Variants in PIAS2 observed in about 807,000 individuals in gnomAD.
The protein encoded by PIAS2 is protein inhibitor of activated STAT 2.
Under a neutral mutation model 69.7 loss-of-function variants are expected in PIAS2, and 19 were observed. The observed-to-expected ratio is 0.27, with a 90% CI of 0.19 to 0.40. The LOEUF (loss-of-function observed/expected upper bound fraction) is 0.40, where lower values mean the gene tolerates loss of function less well. Among genes scored for constraint, PIAS2 ranks in the 10% least tolerant of loss-of-function variants. PIAS2 has a pLI of 1.00. For missense variants in PIAS2, 624 were observed against 757.0 expected, an observed-to-expected ratio of 0.82 and a Z score of 2.06; for synonymous variants, 261 against 263.2, an observed-to-expected ratio of 0.99 and a Z score of 0.08.
intron 2 of PIAS2, among the ~76,000 whole-genome samples, chr18:46,886,335 A>G (rs1014141249): frequency 5.9e-5 from 9 of 152,254 alleles, no homozygotes; most frequent in Non-Finnish European, 4.4e-5. Context: ...AATTTTTTTA[A>G]GTAATAAATT....
At chr18:46,843,985 T>TA in intron 8 of PIAS2, 69 bp downstream of exon 8, 2 of 883,460 alleles carry the variant, frequency 2.3e-6, no homozygotes, top group Non-Finnish European at 3.5e-6. Flanking sequence ...TTCCCACACT[T>TA]ACTTTTATAG....
In PIAS2 at chr18:46,803,639, G is replaced by C. The variant is rs1047494811; in HGVS notation, c.*8794C>G. On this transcript the variant is annotated 3_prime_UTR_variant, in exon 14 of 14. Transcript: ENST00000585916. The stretch of plus-strand genomic sequence containing the variant: ...ATTTTTGTTCCAGTTCCAAAGTATT[G>C]AGTCTAATAATGATTTGGGTCAGGT... The C allele has an allele frequency of 2.6e-5, 4 of 152,186 alleles. No homozygotes were observed. Among genetic ancestry groups the C allele is most frequent in the African/African-American group, 9.7e-5 (4 of 41,438 alleles). The allele number at this position is 152,186 out of a possible 1,614,324, so 9.4% of individuals were successfully genotyped here. A position where few individuals can be genotyped will look rare whatever the true frequency, so the allele number is the denominator to read the frequency against.
intron 11 of PIAS2, among the ~76,000 whole-genome samples, chr18:46,824,060 G>A (rs750591351): frequency 5.9e-5 from 9 of 152,158 alleles, no homozygotes; most frequent in East Asian, 5.8e-4. Flanking sequence ...ACACAGATAC[G>A]TGTATACATT....
intron 8 of PIAS2, among the ~76,000 whole-genome samples, chr18:46,837,828 A>G (rs2044683763): frequency 2.0e-5 from 3 of 152,168 alleles, no homozygotes; most frequent in Admixed American, 6.5e-5. Context: ...ATTTTGATTG[A>G]AAATTTGTTT....
At chr18:46,911,607 T>C (rs549571998) in intron 1 of PIAS2, among the ~76,000 whole-genome samples, 2 of 152,354 alleles carry the variant, frequency 1.3e-5, no homozygotes, top group East Asian at 1.9e-4. Context: ...TAGTAACTAA[T>C]ACTCATGTCA....
At chr18:46,859,889 T>C (rs1270221639) in intron 3 of PIAS2, among the ~76,000 whole-genome samples, 4 of 152,280 alleles carry the variant, frequency 2.6e-5, no homozygotes, top group Admixed American at 6.5e-5. Context: ...GAATCCCAGA[T>C]TGATCCCTTA....
intron 2 of PIAS2, among the ~76,000 whole-genome samples, chr18:46,875,710 C>T (rs1226453705): frequency 1.3e-5 from 2 of 152,166 alleles, no homozygotes; most frequent in South Asian, 4.1e-4. Context: ...AGACAGGATA[C>T]AAAGATGCAA....
Position 46,889,623 on chromosome 18 carries a change from T to C in PIAS2, c.499+957A>G, listed in dbSNP as rs538201800. 5.5e-4 allele frequency among the ~76,000 whole-genome samples: 84 copies of C among 151,868 alleles called. 2 individuals carry two copies. The highest frequency in any genetic ancestry group is 1.9e-4 in the East Asian group (1 of 5,168). On this transcript the variant is annotated intron_variant, in intron 2 of 13. Coordinates refer to ENST00000585916, the MANE Select transcript of PIAS2 (RefSeq NM_004671.5). The stretch of plus-strand genomic sequence containing the variant: ...GAGAAACTGGAACCCTTGTGCACTG[T>C]TGAAGGGAATGTAAAATGCAGCTGC...
chr18:46,816,237 A>G (rs2041520598), intron 12 of PIAS2: 3 of 984,766 alleles, frequency 3.0e-6, no homozygotes, highest in Non-Finnish European at 3.6e-6. Context: ...CCACACAGAG[A>G]AAGTCTGACA....
At chr18:46,821,191 A>T (rs1450690280) in intron 11 of PIAS2, 119 bp from the exon 12 acceptor site, 1 of 904,618 alleles carries the variant, frequency 1.1e-6, no homozygotes, top group Non-Finnish European at 1.8e-6. Flanking sequence ...ACTATATGGC[A>T]GCTACTCACT....
At chr18:46,846,419 T>G (rs189483986) in intron 6 of PIAS2, 1 of 210,214 alleles carries the variant, frequency 4.8e-6, no homozygotes, top group African/African-American at 2.3e-5. Context: ...TTTATTAAAA[T>G]ACTAAACACA....
At chr18:46,914,736 T>C (rs557867130) in intron 1 of PIAS2, among the ~76,000 whole-genome samples, 1 of 152,098 alleles carries the variant, frequency 6.6e-6, no homozygotes, top group Non-Finnish European at 1.5e-5. Context: ...TGAAGGGTAA[T>C]GGAAATCCTC....
At chr18:46,871,637 T>C (rs993451012) in intron 2 of PIAS2, among the ~76,000 whole-genome samples, 10 of 152,156 alleles carry the variant, frequency 6.6e-5, no homozygotes, top group African/African-American at 2.4e-4. Flanking sequence ...TTATAACCCT[T>C]TTAACAGATT....
At chr18:46,820,310 C>T (rs773167020) in intron 12 of PIAS2, among the ~76,000 whole-genome samples, 9 of 151,962 alleles carry the variant, frequency 5.9e-5, no homozygotes, top group South Asian at 2.1e-4. Context: ...CTTACTATGC[C>T]TAATTTAAAA....
chr18:46,899,656 G>A (rs1204810350), intron 1 of PIAS2, among the ~76,000 whole-genome samples: 4 of 152,158 alleles, frequency 2.6e-5, no homozygotes, highest in Non-Finnish European at 5.9e-5. Context: ...TAGTAAAGAT[G>A]AGATTTCATT....
chr18:46,815,637 C>A, intron 12 of PIAS2: 1 of 1,061,862 alleles, frequency 9.4e-7, no homozygotes, highest in Non-Finnish European at 1.1e-6. Context: ...CCCTTTGCCG[C>A]TTAACAGAAT....
chr18:46,816,272 A>G (rs1372790658), intron 12 of PIAS2: 38 of 971,752 alleles, frequency 3.9e-5, no homozygotes, highest in Admixed American at 6.2e-5. Flanking sequence ...AAAATAGAGA[A>G]TATCAGTGGG....
At chr18:46,886,422 G>C (rs1310598225) in intron 2 of PIAS2, among the ~76,000 whole-genome samples, 1 of 152,174 alleles carries the variant, frequency 6.6e-6, no homozygotes, top group East Asian at 1.9e-4. Flanking sequence ...CATGATAAAG[G>C]AGGAATTAGA....
intron 3 of PIAS2, 84 bp downstream of exon 3, chr18:46,864,080 C>G: frequency 1.3e-6 from 1 of 754,190 alleles, no homozygotes; most frequent in Non-Finnish European, 2.2e-6. Context: ...TTTACACTGT[C>G]CAGTCTGTGA....
Sources: gnomAD v4.1 joint callset for allele counts (sites outside exome capture counted in the v4.1 genomes callset) on GRCh38, gnomAD v4.1.1 for gene constraint, MANE v1.5 for transcripts, NCBI Gene and HGNC (gene_info 2026-07-23, HGNC 2026-07-21) for gene names.